Variants in DCDC2C observed in about 807,000 individuals in gnomAD.
DCDC2C encodes doublecortin domain-containing protein 2C.
DCDC2C carries 44 observed loss-of-function variants against 45.0 expected under a neutral mutation model. The observed-to-expected ratio is 0.98, with a 90% CI of 0.77 to 1.26. The LOEUF (loss-of-function observed/expected upper bound fraction) is 1.26, where lower values mean the gene tolerates loss of function less well. Ranked by LOEUF, DCDC2C falls within the 50% of genes most tolerant of loss-of-function variation. The pLI is 0.00. For missense variants in DCDC2C, 447 were observed against 468.9 expected (o/e 0.95, Z 0.43); for synonymous variants, 187 against 178.8 (o/e 1.05, Z -0.37).
At chr2:3,738,925 G>C (rs1382425314) in intron 3 of DCDC2C, among the ~76,000 whole-genome samples, 2 of 152,288 alleles carry the variant, frequency 1.3e-5, no homozygotes, top group South Asian at 4.1e-4. Flanking sequence ...TGTTCATTCA[G>C]CTACCTGGAA....
chr2:3,704,151 G>A (rs1405706638), intron 1 of DCDC2C, 113 bp downstream of exon 1: 12 of 1,020,832 alleles, frequency 1.2e-5, no homozygotes, highest in African/African-American at 1.7e-5. Flanking sequence ...CTCCCGGCTC[G>A]GGCGCCCATC....
chr2:3,833,193 A>C (rs1671994621), intron 10 of DCDC2C, among the ~76,000 whole-genome samples: 1 of 152,018 alleles, frequency 6.6e-6, no homozygotes, highest in African/African-American at 2.4e-5. Flanking sequence ...ACTTTTAAGG[A>C]TCCTTGTGAT....
chr2:3,703,813 A>G lies in DCDC2C; in HGVS notation c.62A>G (p.Tyr21Cys), dbSNP rs142564019. ...DTTPAKTIVV[Y>C]RNGDPFYVGK... ...ACGCCCGCCAAGACCATCGTGGTGT[A>G]CCGCAACGGGGACCCGTTCTACGTG... The change falls in exon 1 of 11, where the codon TAC (tyrosine) becomes TGC (cysteine). Residue 21 changes from tyrosine (Y) to cysteine (C), a missense_variant. Coordinates refer to ENST00000399143, the MANE Select transcript of DCDC2C (RefSeq NM_001287444.2). The surrounding 1 kb of genome is among the most constrained non-coding windows in gnomAD (Gnocchi z 4.4). 9.6e-3 allele frequency: 12,033 copies of G among 1,259,240 alleles called. 62 individuals are homozygous for G. The highest frequency in any genetic ancestry group is 0.011 in the Non-Finnish European group (10,969 of 998,352). 78.0% of individuals were successfully genotyped at this position (1,259,240 alleles called of 1,614,324 possible).
chr2:3,712,888 A>G (rs576042918), intron 2 of DCDC2C, among the ~76,000 whole-genome samples: 4 of 152,262 alleles, frequency 2.6e-5, no homozygotes, highest in South Asian at 4.1e-4. Flanking sequence ...CTCTCTTTTA[A>G]CACGGAATGT....
chr2:3,723,116 T>A (rs1668541896), intron 2 of DCDC2C, among the ~76,000 whole-genome samples: 1 of 152,208 alleles, frequency 6.6e-6, no homozygotes, highest in Non-Finnish European at 1.5e-5. Flanking sequence ...TCCCTAGTCA[T>A]GGTAGCATTC....
At position 3,761,389 on chromosome 2, in the gene DCDC2C, G is replaced by A. The variant is rs971140419; in HGVS notation, c.727-6365G>A. 4.1e-5 allele frequency among the ~76,000 whole-genome samples: 6 copies of A among 145,704 alleles called. No homozygotes were observed. The highest frequency in any genetic ancestry group is 2.1e-4 in the South Asian group (1 of 4,758). ...ATTAAGGAGGTGCGTGTGTGTGTGC[G>A]TGTGTGTGTGCGTGAAAACAGTTGC... On this transcript the variant is annotated intron_variant, in intron 6 of 10. Coordinates refer to ENST00000399143, the MANE Select transcript of DCDC2C (RefSeq NM_001287444.2). The surrounding 1 kb of genome is among the most constrained non-coding windows in gnomAD (Gnocchi z 4.3).
chr2:3,755,489 A>G (rs1669679904), intron 6 of DCDC2C, among the ~76,000 whole-genome samples: 2 of 152,092 alleles, frequency 1.3e-5, no homozygotes, highest in African/African-American at 4.8e-5. Flanking sequence ...GCATGTGTAC[A>G]CAGGAGTACA....
intron 6 of DCDC2C, among the ~76,000 whole-genome samples, chr2:3,763,584 C>T (rs994697942): frequency 7.2e-5 from 11 of 152,218 alleles, no homozygotes; most frequent in African/African-American, 2.7e-4. Context: ...CACGGGGTCT[C>T]TAGTCTCACA....
At chr2:3,801,778 G>C (rs1241665814) in intron 10 of DCDC2C, among the ~76,000 whole-genome samples, 2 of 152,240 alleles carry the variant, frequency 1.3e-5, no homozygotes, top group Non-Finnish European at 2.9e-5. Context: ...CAGCATGCAT[G>C]CTGACCCAGC....
At position 3,752,755 on chromosome 2, in the gene DCDC2C, T is replaced by C. The variant is rs1338194860; in HGVS notation, c.546-8T>C. 1 of 1,550,340 alleles carries C rather than the reference T, an allele frequency of 6.5e-7. No individual in the cohort carries two copies. The highest frequency in any genetic ancestry group is 8.7e-7 in the Non-Finnish European group (1 of 1,146,810). ...TCTCTATCTCATTTCTTCTTTCTGT[T>C]TTTACAGATTATTTACAATGAATGG... On this transcript the variant is annotated splice_region_variant and splice_polypyrimidine_tract_variant and intron_variant, in intron 4 of 10. Coordinates refer to ENST00000399143, the MANE Select transcript of DCDC2C (RefSeq NM_001287444.2).
chr2:3,706,682 C>T (rs947094024), intron 1 of DCDC2C, among the ~76,000 whole-genome samples: 1 of 152,194 alleles, frequency 6.6e-6, no homozygotes, highest in African/African-American at 2.4e-5. Flanking sequence ...AAAGTCTCCT[C>T]GTTCTTCCTC....
rs1333646053 is a variant in DCDC2C at position 3,847,362 on chromosome 2, T to C, written c.*179T>C. On this transcript the variant is annotated 3_prime_UTR_variant, in exon 11 of 11. Transcript: ENST00000399143. The stretch of plus-strand genomic sequence containing the variant: ...CATAATTGAGCTCCATTTCTTCTTA[T>C]TCCCTTTCTCAGTGATATTTCTTTT... 2 of 390,586 alleles carry C rather than the reference T, an allele frequency of 5.1e-6. No individual in the cohort carries two copies. Among genetic ancestry groups the C allele is most frequent in the African/African-American group, 4.1e-5 (2 of 48,366 alleles). 24.2% of individuals were successfully genotyped at this position (390,586 alleles called of 1,614,324 possible).
At chr2:3,739,988 C>T (rs886183477) in intron 3 of DCDC2C, among the ~76,000 whole-genome samples, 1 of 152,236 alleles carries the variant, frequency 6.6e-6, no homozygotes, top group Non-Finnish European at 1.5e-5. Context: ...AAGCGAGCCA[C>T]GCCCCCATTG....
intron 10 of DCDC2C, chr2:3,844,557 T>G (rs557304752): frequency 6.6e-6 from 1 of 152,356 alleles, no homozygotes; most frequent in Non-Finnish European, 1.5e-5. Flanking sequence ...ATGTGAACCA[T>G]GTTGTGAAGA....
chr2:3,810,060 G>A (rs978503116), intron 10 of DCDC2C, among the ~76,000 whole-genome samples: 1 of 152,212 alleles, frequency 6.6e-6, no homozygotes, highest in Non-Finnish European at 1.5e-5. Flanking sequence ...ACATACGTGT[G>A]CATGTTTCTT....
chr2:3,740,535 C>G (rs1039267611), intron 3 of DCDC2C, among the ~76,000 whole-genome samples: 2 of 152,176 alleles, frequency 1.3e-5, no homozygotes, highest in African/African-American at 2.4e-5. Context: ...ACATTGATTA[C>G]TTTTATTCCT....
At chr2:3,707,610 A>G (rs1201315257) in intron 1 of DCDC2C, among the ~76,000 whole-genome samples, 1 of 152,148 alleles carries the variant, frequency 6.6e-6, no homozygotes, top group African/African-American at 2.4e-5. Flanking sequence ...AAAATAGAGG[A>G]TTTGATTGTT....
intron 4 of DCDC2C, among the ~76,000 whole-genome samples, chr2:3,744,860 C>T (rs551792491): frequency 1.3e-5 from 2 of 152,328 alleles, no homozygotes; most frequent in South Asian, 4.1e-4. Context: ...GGGAATACCT[C>T]CATGCTCCCA....
chr2:3,798,748 T>A (rs1376303316), intron 10 of DCDC2C, among the ~76,000 whole-genome samples: 1 of 152,250 alleles, frequency 6.6e-6, no homozygotes, highest in African/African-American at 2.4e-5. Flanking sequence ...CTGCTGTTAG[T>A]CTGATGGGCT....
Sources: gnomAD v4.1 joint callset for allele counts (sites outside exome capture counted in the v4.1 genomes callset) on GRCh38, gnomAD v4.1.1 for gene constraint, Gnocchi (gnomAD v3.1) non-coding constraint, MANE v1.5 for transcripts, NCBI Gene and HGNC (gene_info 2026-07-23, HGNC 2026-07-21) for gene names.